Variants in AKAP9 observed in about 807,000 individuals in gnomAD.
The protein encoded by AKAP9 is A-kinase anchoring protein 9.
In AKAP9, 311 loss-of-function variants were observed where a neutral mutation model predicts 488.5. The observed-to-expected ratio is 0.64, with a 90% CI of 0.58 to 0.70. AKAP9 has a LOEUF of 0.70. AKAP9 is among the 30% of genes least tolerant of loss of function. AKAP9 has a pLI of 0.00. For synonymous variants in AKAP9, 1,462 were observed against 1,483.5 expected (o/e 0.99, Z 0.33); for missense variants, 4,215 against 4,374.5 (o/e 0.96, Z 1.03).
Position 92,062,486 on chromosome 7 carries a change from C to G in AKAP9, c.5977C>G (p.Gln1993Glu), listed in dbSNP as rs786205714. The G allele has an allele frequency of 1.2e-6, 2 of 1,611,924 alleles. No homozygotes were observed. Among genetic ancestry groups the G allele is most frequent in the Non-Finnish European group, 1.7e-6 (2 of 1,178,438 alleles). Reference sequence around the variant, plus strand: ...AGCAGAGGCAGGCCCAGTTGAACAACGTAAGTATTTTCAGAATTTGTATGA... The same window carrying G: ...AGCAGAGGCAGGCCCAGTTGAACAAGGTAAGTATTTTCAGAATTTGTATGA... Reference protein sequence around the residue: ...MKAEAGPVEQQLLQETEKLMK... With the variant: ...MKAEAGPVEQELLQETEKLMK... Residue 1993 changes from glutamine to glutamate, a missense_variant and splice_region_variant, in exon 24 of 50, where the codon CAA becomes GAA. By Grantham distance (29) the Gln-to-Glu change is conservative. This residue lies in a region of AKAP9 where 2,361 missense variants were observed against 2,430.0 expected (regional missense o/e 0.97). Transcript: ENST00000356239.
chr7:92,083,986 C>T (rs929425224), intron 33 of AKAP9, among the ~76,000 whole-genome samples: 2 of 152,152 alleles, frequency 1.3e-5, no homozygotes, highest in East Asian at 1.9e-4. Flanking sequence ...TAGCACCTCA[C>T]CCCCGACAGG....
Position 92,052,797 on chromosome 7 carries a change from G to A in AKAP9, c.5440G>A (p.Val1814Ile), listed in dbSNP as rs1014797728. 1 of 1,613,806 alleles carries A rather than the reference G, an allele frequency of 6.2e-7. No individual in the cohort carries two copies. The highest frequency in any genetic ancestry group is 1.7e-4 in the Middle Eastern group (1 of 6,060). ...AAATGACATTAACATGTGGTCAAAA[G>A]TAACTGAGGAAGGAACAGAGCTGTC... ...PRNDINMWSK[V>I]TEEGTELSQR... Residue 1814 changes from valine to isoleucine, a missense_variant, in exon 22 of 50, where the codon GTA becomes ATA. Transcript: ENST00000356239.
chr7:92,089,620 T>A lies in AKAP9; in HGVS notation c.9358+91T>A, dbSNP rs184948245. ...CTTATTATTATTAAGTTAAAACATA[T>A]TTTCTTGGTCACATTTTCTTCTCAT... On this transcript the variant is annotated intron_variant, in intron 38 of 49. Coordinates refer to ENST00000356239, the MANE Select transcript of AKAP9 (RefSeq NM_005751.5). The A allele has an allele frequency of 3.6e-4, 489 of 1,357,878 alleles. 3 individuals are homozygous for A. In the African/African-American group the frequency reaches 6.2e-3, roughly 17 times the overall value. 84.1% of individuals were successfully genotyped at this position (1,357,878 alleles called of 1,614,324 possible).
chr7:91,955,089 C>G (rs921895643), intron 1 of AKAP9, among the ~76,000 whole-genome samples: 10 of 152,116 alleles, frequency 6.6e-5, no homozygotes, highest in African/African-American at 2.2e-4. Flanking sequence ...CTCGTGTTAT[C>G]TTTCTGGACA....
At chr7:92,019,431 C>A (rs1218859022) in intron 12 of AKAP9, among the ~76,000 whole-genome samples, 1 of 151,918 alleles carries the variant, frequency 6.6e-6, no homozygotes, top group Non-Finnish European at 1.5e-5. Context: ...TGAGCCACCA[C>A]ACCCGACCTA....
At chr7:92,057,857 G>T (rs1427257283) in intron 22 of AKAP9, 4 of 229,538 alleles carry the variant, frequency 1.7e-5, no homozygotes, top group Middle Eastern at 1.3e-3. Flanking sequence ...AGTTTAAAAG[G>T]TGTTTTTGTT....
intron 1 of AKAP9, among the ~76,000 whole-genome samples, chr7:91,956,769 G>A (rs1793076963): frequency 6.6e-6 from 1 of 152,136 alleles, no homozygotes; most frequent in Non-Finnish European, 1.5e-5. Context: ...TATAAATTGA[G>A]ACTGAAAAAC....
intron 14 of AKAP9, among the ~76,000 whole-genome samples, chr7:92,029,675 T>C (rs1016181421): frequency 1.3e-5 from 2 of 152,210 alleles, no homozygotes; most frequent in Non-Finnish European, 2.9e-5. Context: ...TAAAATGACA[T>C]AAAATTCAGT....
chr7:92,103,803 C>T (rs754624602), intron 46 of AKAP9, among the ~76,000 whole-genome samples: 12 of 152,076 alleles, frequency 7.9e-5, no homozygotes, highest in Non-Finnish European at 1.5e-4. Flanking sequence ...CTTAGGCTGG[C>T]GTACATTCAT....
intron 46 of AKAP9, among the ~76,000 whole-genome samples, 176 bp from the exon 47 acceptor site, chr7:92,105,502 T>C (rs1043955015): frequency 2.6e-5 from 4 of 152,190 alleles, no homozygotes; most frequent in Non-Finnish European, 5.9e-5. Flanking sequence ...TTTGAGTCCC[T>C]ATTCTTCCGT....
chr7:91,942,482 A>G lies in AKAP9; in HGVS notation c.48+1335A>G, dbSNP rs143055810. Among the ~76,000 whole-genome samples, 35 of 152,346 alleles carry G rather than the reference A, an allele frequency of 2.3e-4. 1 individual carries two copies. Among genetic ancestry groups the G allele is most frequent in the African/African-American group, 7.9e-4 (33 of 41,574 alleles). On this transcript the variant is annotated intron_variant, in intron 1 of 49. Transcript: ENST00000356239. ...GTATCTTTAGAAGTCCAAAGCCTAC[A>G]CTTGTGCAATCTGAGGGGCTGAGCA...
chr7:92,005,370 C>T (rs1799695717), intron 8 of AKAP9, among the ~76,000 whole-genome samples: 1 of 152,194 alleles, frequency 6.6e-6, no homozygotes, highest in African/African-American at 2.4e-5. Flanking sequence ...GAAATTAGAG[C>T]AATTGTAAAG....
intron 22 of AKAP9, among the ~76,000 whole-genome samples, chr7:92,053,834 C>T (rs1460906457): frequency 2.0e-5 from 3 of 152,086 alleles, no homozygotes; most frequent in African/African-American, 7.2e-5. Context: ...AGGCCCCACC[C>T]CAGACCTACT....
chr7:92,036,941 G>A (rs539710983), intron 16 of AKAP9, among the ~76,000 whole-genome samples: 1 of 152,250 alleles, frequency 6.6e-6, no homozygotes, highest in Non-Finnish European at 1.5e-5. Context: ...GCACCCAGAG[G>A]TCCAATTTGG....
intron 21 of AKAP9, among the ~76,000 whole-genome samples, chr7:92,045,795 C>G (rs2130791395): frequency 6.6e-6 from 1 of 150,616 alleles, no homozygotes; most frequent in East Asian, 1.9e-4. Context: ...CTCTGTCTTC[C>G]TTCAGCTGTG....
intron 9 of AKAP9, among the ~76,000 whole-genome samples, chr7:92,013,513 C>T (rs1159222693): frequency 6.6e-6 from 1 of 152,114 alleles, no homozygotes; most frequent in Non-Finnish European, 1.5e-5. Context: ...AGTAGAGTAA[C>T]ACAATATGGT....
chr7:92,070,839 C>CAAAAAAAAAAAAAAAAAAA, intron 27 of AKAP9, 66 bp from the exon 28 acceptor site: 1 of 583,986 alleles, frequency 1.7e-6, no homozygotes, highest in South Asian at 3.4e-5. Context: ...GACCAAAAAA[C>CAAAAAAAAAAAAAAAAAAA]AAAAAAAAAC....
chr7:92,040,773 T>C lies in AKAP9; in HGVS notation c.4792T>C (p.Tyr1598His). The stretch of plus-strand genomic sequence containing the variant: ...TATGAGACAGGAACTTGTACGACAA[T>C]ACCAAGAACATCAACAGGCAACGGA... ...EDMRQELVRQYQEHQQATELL... is the reference protein window; with the variant it reads ...EDMRQELVRQHQEHQQATELL... The change falls in exon 18 of 50, where the codon TAC (tyrosine) becomes CAC (histidine). Residue 1598 changes from tyrosine to histidine, a missense_variant. By Grantham distance (83) the Tyr-to-His change is moderately conservative. Coordinates refer to ENST00000356239, the MANE Select transcript of AKAP9 (RefSeq NM_005751.5). 6.2e-7 allele frequency: 1 copy of C among 1,612,298 alleles called. No homozygotes were observed. Among genetic ancestry groups the C allele is most frequent in the Non-Finnish European group, 8.5e-7 (1 of 1,179,676 alleles).
chr7:92,076,724 C>T, intron 28 of AKAP9, 131 bp from the exon 29 acceptor site: 1 of 527,288 alleles, frequency 1.9e-6, no homozygotes, highest in Admixed American at 3.9e-5. Flanking sequence ...TTAGAAAAAC[C>T]ACATTCCTTT....
Sources: allele counts gnomAD v4.1 joint callset (sites outside exome capture counted in the v4.1 genomes callset), GRCh38; gene constraint gnomAD v4.1.1; regional missense constraint gnomAD v4.1.1; transcripts MANE v1.5; gene names NCBI Gene and HGNC (gene_info 2026-07-23, HGNC 2026-07-21).